Variants in NSUN2 observed in about 807,000 individuals in gnomAD.
NSUN2 encodes the protein RNA cytosine C(5)-methyltransferase NSUN2.
A neutral mutation model predicts 92.7 loss-of-function variants in NSUN2; 63 were observed. The ratio of observed to expected loss-of-function variants is 0.68; its 90% CI spans 0.56 to 0.84. NSUN2 has a LOEUF of 0.84. Ranked by LOEUF, NSUN2 falls within the 40% of genes least tolerant of loss-of-function variation. The pLI is 0.00. For synonymous variants in NSUN2, 356 were observed against 348.3 expected (o/e 1.02, Z -0.25); for missense variants, 989 against 964.9 (o/e 1.02, Z -0.33).
intron 9 of NSUN2, among the ~76,000 whole-genome samples, chr5:6,615,349 T>C (rs866868603): frequency 6.6e-6 from 1 of 152,198 alleles, no homozygotes; most frequent in Non-Finnish European, 1.5e-5. Context: ...CCTAAATTCC[T>C]AGCTAATGAA....
chr5:6,607,294 C>G lies in NSUN2; in HGVS notation c.1414G>C (p.Glu472Gln). 6.2e-7 allele frequency: 1 copy of G among 1,614,204 alleles called. No individual in the cohort carries two copies. Among genetic ancestry groups the G allele is most frequent in the East Asian group, 2.2e-5 (1 of 44,884 alleles). Residue 472 changes from glutamate to glutamine, a missense_variant, in exon 13 of 19, where the codon GAA (glutamate) becomes CAA (glutamine). Glu to Gln is a conservative substitution (Grantham distance 29, BLOSUM62 2). Coordinates refer to ENST00000264670, the MANE Select transcript of NSUN2 (RefSeq NM_017755.6). The part of the protein sequence containing the change: ...EGKPTDPSKL[E>Q]SPSFTGTGDT... ...CCAGTTCCTGTGAATGACGGACTTT[C>G]CAGCTTAGAGGGATCTGTGGGTTTC... is the stretch of plus-strand genomic sequence containing the variant.
At chr5:6,621,924 G>T (rs962785848) in intron 6 of NSUN2, 92 bp downstream of exon 6, 5 of 1,106,364 alleles carry the variant, frequency 4.5e-6, no homozygotes, top group South Asian at 3.9e-5. Flanking sequence ...AGACTTTAGA[G>T]CCAAATTAGC....
At chr5:6,617,727 G>A (rs551589119) in intron 8 of NSUN2, among the ~76,000 whole-genome samples, 12 of 152,322 alleles carry the variant, frequency 7.9e-5, no homozygotes, top group Admixed American at 7.8e-4. Context: ...AATTTTTATA[G>A]AAGGCATTTT....
chr5:6,607,494 G>T, intron 12 of NSUN2, 110 bp from the exon 13 acceptor site: 1 of 917,676 alleles, frequency 1.1e-6, no homozygotes, highest in Non-Finnish European at 1.7e-6. Context: ...TTTTTCTACA[G>T]CATTATATGT....
chr5:6,613,575 C>A (rs915538700), intron 9 of NSUN2, among the ~76,000 whole-genome samples: 1 of 152,206 alleles, frequency 6.6e-6, no homozygotes, highest in African/African-American at 2.4e-5. Context: ...TGCAGTGAAG[C>A]TTGCCCTTAG....
At chr5:6,612,563 A>C (rs1027979364) in intron 9 of NSUN2, among the ~76,000 whole-genome samples, 34 of 152,240 alleles carry the variant, frequency 2.2e-4, no homozygotes, top group Non-Finnish European at 4.6e-4. Flanking sequence ...TACTGATGTG[A>C]CAGCCTCTCA....
At chr5:6,619,914 C>G (rs1227520256) in intron 7 of NSUN2, among the ~76,000 whole-genome samples, 192 bp downstream of exon 7, 1 of 152,182 alleles carries the variant, frequency 6.6e-6, no homozygotes, top group Admixed American at 6.5e-5. Context: ...TGTTCTTTAT[C>G]CAGCATCTGC....
intron 16 of NSUN2, 65 bp downstream of exon 16, chr5:6,604,540 C>T (rs1736681966): frequency 2.1e-6 from 3 of 1,416,822 alleles, no homozygotes; most frequent in African/African-American, 2.8e-5. Flanking sequence ...ACCAGCAAGC[C>T]CATCTACTCC....
intron 14 of NSUN2, among the ~76,000 whole-genome samples, chr5:6,606,279 TC>T: frequency 6.6e-6 from 1 of 152,116 alleles, no homozygotes; most frequent in Non-Finnish European, 1.5e-5. Context: ...ATAATCACAG[TC>T]CAGTTTTCTT....
At chr5:6,615,885 A>G (rs1370351447) in intron 9 of NSUN2, among the ~76,000 whole-genome samples, 1 of 152,274 alleles carries the variant, frequency 6.6e-6, no homozygotes, top group African/African-American at 2.4e-5. Context: ...GTAGAAATAC[A>G]CTACTGTTTC....
At chr5:6,603,393 T>C (rs71600233) in intron 17 of NSUN2, among the ~76,000 whole-genome samples, 1 of 152,164 alleles carries the variant, frequency 6.6e-6, no homozygotes, top group Non-Finnish European at 1.5e-5. Context: ...CTGTGTACCT[T>C]AAAAAACAAA....
At chr5:6,609,752 C>T in intron 12 of NSUN2, 74 bp downstream of exon 12, 4 of 1,220,392 alleles carry the variant, frequency 3.3e-6, no homozygotes, top group Middle Eastern at 1.9e-4. Flanking sequence ...TGTACTTCTA[C>T]TAAACTCCGG....
rs1579348428 is a variant in NSUN2, at chr5:6,599,844, T to C, written c.*82A>G. 1 of 1,252,594 alleles carries C rather than the reference T, an allele frequency of 8.0e-7. No individual in the cohort carries two copies. The highest frequency in any genetic ancestry group is 1.3e-5 in the South Asian group (1 of 75,310). 77.6% of individuals were successfully genotyped at this position (1,252,594 alleles called of 1,614,324 possible). ...ATGCTTTACAGGCCACAGGCTGCTC[T>C]GGATTTGGTTTCAGACACCAGTGAC... is the stretch of plus-strand genomic sequence containing the variant. On this transcript the variant is annotated 3_prime_UTR_variant, in exon 19 of 19. Coordinates refer to ENST00000264670, the MANE Select transcript of NSUN2 (RefSeq NM_017755.6).
intron 8 of NSUN2, among the ~76,000 whole-genome samples, chr5:6,617,331 C>A (rs1737250998): frequency 6.6e-6 from 1 of 152,068 alleles, no homozygotes; most frequent in African/African-American, 2.4e-5. Context: ...GTGGCTCAGG[C>A]ACAGTACAGT....
intron 15 of NSUN2, 60 bp downstream of exon 15, chr5:6,605,213 G>A (rs929265103): frequency 6.9e-5 from 110 of 1,594,960 alleles, no homozygotes; most frequent in Non-Finnish European, 8.6e-5. Context: ...AATCTAAGCC[G>A]CTGTGAAAAG....
At chr5:6,604,744 A>G in intron 15 of NSUN2, 59 bp from the exon 16 acceptor site, 1 of 1,404,092 alleles carries the variant, frequency 7.1e-7, no homozygotes, top group Non-Finnish European at 1.0e-6. Context: ...ATCTCCTGTA[A>G]GGATGCCGGG....
intron 8 of NSUN2, 96 bp from the exon 9 acceptor site, chr5:6,616,953 T>C: frequency 9.0e-7 from 1 of 1,116,574 alleles, no homozygotes; most frequent in Non-Finnish European, 1.2e-6. Flanking sequence ...TTACAAGCTT[T>C]TATAACACAA....
At chr5:6,600,265 A>G in intron 18 of NSUN2, 33 bp from the exon 19 acceptor site, 2 of 1,578,464 alleles carry the variant, frequency 1.3e-6, no homozygotes, top group South Asian at 1.1e-5. Flanking sequence ...GTAGAACATT[A>G]AACATTCCCA....
intron 3 of NSUN2, among the ~76,000 whole-genome samples, chr5:6,630,979 A>C (rs1409284110): frequency 1.3e-5 from 2 of 152,238 alleles, no homozygotes; most frequent in African/African-American, 4.8e-5. Context: ...CTGTAGTCCC[A>C]GCTACTCGGG....
Sources: gnomAD v4.1 joint callset for allele counts (sites outside exome capture counted in the v4.1 genomes callset) on GRCh38, gnomAD v4.1.1 for gene constraint, MANE v1.5 for transcripts, NCBI Gene and HGNC (gene_info 2026-07-23, HGNC 2026-07-21) for gene names.